Variants in VIL1 observed in about 807,000 individuals in gnomAD.
VIL1 encodes villin-1.
VIL1 carries 86 observed loss-of-function variants against 104.0 expected under a neutral mutation model. The ratio of observed to expected loss-of-function variants is 0.83; its 90% CI spans 0.69 to 0.99. VIL1 has a LOEUF of 0.99. VIL1 is among the 50% of genes least tolerant of loss of function. The pLI is 0.00. For synonymous variants in VIL1, 394 were observed against 412.6 expected (o/e 0.95, Z 0.55); for missense variants, 944 against 1,054.1 (o/e 0.90, Z 1.45).
chr2:218,427,845 C>T (rs979138307), intron 4 of VIL1, 120 bp from the exon 5 acceptor site: 1 of 864,486 alleles, frequency 1.2e-6, no homozygotes. Flanking sequence ...ACCTCATTGA[C>T]CTCGCCTACT....
Position 218,430,427 on chromosome 2 carries a change from C to A in VIL1, c.949-298C>A, listed in dbSNP as rs1208669006. 1.3e-5 allele frequency among the ~76,000 whole-genome samples: 2 copies of A among 151,962 alleles called. 1 individual carries two copies. On this transcript the variant is annotated intron_variant, in intron 9 of 19. Coordinates refer to ENST00000248444, the MANE Select transcript of VIL1 (RefSeq NM_007127.3). ...AGCATTGAGGTAGGGTCACATTAGG[C>A]GTTAGATTTGGCTTTGGGATTGGGG...
At position 218,432,832 on chromosome 2, in the gene VIL1, T is replaced by C. The variant is rs139263752; in HGVS notation, c.1381T>C (p.Tyr461His). Residue 461 changes from tyrosine to histidine, a missense_variant, in exon 13 of 20, where the codon TAT (tyrosine) becomes CAT (histidine). Physicochemically the swap from Tyr to His is moderately conservative, Grantham distance 83. Transcript: ENST00000248444. Reference sequence around the variant, plus strand: ...CCAAGATGAAATTACAGCATCAGCTTATCAAGCCGTCATCCTGGACCAGAA... The same window carrying C: ...CCAAGATGAAATTACAGCATCAGCTCATCAAGCCGTCATCCTGGACCAGAA... The part of the protein sequence containing the change: ...ASQDEITASA[Y>H]QAVILDQKYN... 1.9e-6 allele frequency: 3 copies of C among 1,614,038 alleles called. No individual in the cohort carries two copies. Among genetic ancestry groups the C allele is most frequent in the African/African-American group, 2.7e-5 (2 of 74,896 alleles).
chr2:218,423,896 G>A, intron 2 of VIL1, 43 bp downstream of exon 2: 1 of 1,608,646 alleles, frequency 6.2e-7, no homozygotes, highest in Non-Finnish European at 8.5e-7. Context: ...GGCCTGGGGT[G>A]GAGGGAGGCA....
intron 19 of VIL1, among the ~76,000 whole-genome samples, chr2:218,443,956 G>C (rs1387100953): frequency 6.6e-6 from 1 of 151,718 alleles, no homozygotes; most frequent in African/African-American, 2.4e-5. Context: ...CGCCTAGCCT[G>C]TGGCTGATTT....
chr2:218,423,918 G>T, intron 2 of VIL1, 65 bp downstream of exon 2: 1 of 1,576,212 alleles, frequency 6.3e-7, no homozygotes. Flanking sequence ...GGCCAAGGAG[G>T]GAGGCCTGGG....
chr2:218,426,589 G>A (rs768929582), intron 4 of VIL1, among the ~76,000 whole-genome samples: 88 of 150,456 alleles, frequency 5.8e-4, no homozygotes, highest in Admixed American at 1.9e-3. Context: ...CTACAGGCCC[G>A]AGCCACCATG....
In VIL1 at chr2:218,430,834, A is replaced by G. The variant is rs763416343; in HGVS notation, c.1058A>G (p.Asn353Ser). ...QQLFQKWTAS[N>S]RTSGLGKTHT... is the part of the protein sequence containing the mutation. The stretch of plus-strand genomic sequence containing the variant: ...CTCTTCCAGAAGTGGACAGCGTCCA[A>G]CCGGACCTCAGGCCTAGGCAAAACC... Residue 353 changes from asparagine (N) to serine (S), a missense_variant, in exon 10 of 20, where the codon AAC (asparagine) becomes AGC (serine). Transcript: ENST00000248444. 4 of 1,614,040 alleles carry G rather than the reference A, an allele frequency of 2.5e-6. No individual in the cohort carries two copies. Among genetic ancestry groups the G allele is most frequent in the Middle Eastern group, 1.6e-4 (1 of 6,062 alleles).
In VIL1 at chr2:218,449,574, C is replaced by T. The variant is rs1689432851; in HGVS notation, c.*238C>T. The T allele has an allele frequency of 2.4e-6, 1 of 415,534 alleles. No homozygotes were observed. Among genetic ancestry groups the T allele is most frequent in the African/African-American group, 2.0e-5 (1 of 49,470 alleles). The allele number at this position is 415,534 out of a possible 1,614,324, so 25.7% of individuals were successfully genotyped here. A position where few individuals can be genotyped will look rare whatever the true frequency, so the allele number is the denominator to read the frequency against. On this transcript the variant is annotated 3_prime_UTR_variant, in exon 20 of 20. Coordinates refer to ENST00000248444, the MANE Select transcript of VIL1 (RefSeq NM_007127.3). ...CTAAGGTCGCTAGATTGTTTCTATC[C>T]TGAGGTATTGCATCAATTTTAATAC...
Position 218,450,528 on chromosome 2 carries a change from T to C in VIL1, c.*1192T>C, listed in dbSNP as rs1689451802. ...AGTGTAGGAATCTCATTTTTGTTTTTCTCTCCTTAAGTTTAAAGAAACAAC... is the reference window on the plus strand; with the variant it reads ...AGTGTAGGAATCTCATTTTTGTTTTCCTCTCCTTAAGTTTAAAGAAACAAC... On this transcript the variant is annotated 3_prime_UTR_variant, in exon 20 of 20. Coordinates refer to ENST00000248444, the MANE Select transcript of VIL1 (RefSeq NM_007127.3). 1 of 152,642 alleles carries C rather than the reference T, an allele frequency of 6.6e-6. No individual in the cohort carries two copies. The highest frequency in any genetic ancestry group is 2.4e-5 in the African/African-American group (1 of 41,466). The allele number at this position is 152,642 out of a possible 1,614,324, so 9.5% of individuals were successfully genotyped here.
Position 218,434,557 on chromosome 2 carries a change from C to T in VIL1, c.1532C>T (p.Thr511Ile), listed in dbSNP as rs763209529. 14 of 1,613,542 alleles carry T rather than the reference C, an allele frequency of 8.7e-6. No homozygotes were observed. The highest frequency in any genetic ancestry group is 1.6e-4 in the Middle Eastern group (1 of 6,078). ...ACCTCCCGAACTAACAACTTGGAGA[C>T]CGGGCCCTCCACACGGCTGTTCCAG... The part of the protein sequence containing the change: ...GGTSRTNNLE[T>I]GPSTRLFQVQ... Residue 511 changes from threonine to isoleucine, a missense_variant, in exon 14 of 20, where the codon ACC (threonine) becomes ATC (isoleucine). Physicochemically the swap from Thr to Ile is moderately conservative, Grantham distance 89. Transcript: ENST00000248444.
rs552954563 is a variant in VIL1 at position 218,438,114 on chromosome 2, A to G, written c.2161-544A>G. Among the ~76,000 whole-genome samples, 6 of 152,322 alleles carry G rather than the reference A, an allele frequency of 3.9e-5. No homozygotes were observed. In the South Asian group the frequency reaches 1.2e-3, roughly 32 times the overall value. Reference sequence around the variant, plus strand: ...CAGGTTTTCTCAATCCACTTTAGTTATCACCTTTCCCTCACCTCAAGTGTG... The same window carrying G: ...CAGGTTTTCTCAATCCACTTTAGTTGTCACCTTTCCCTCACCTCAAGTGTG... On this transcript the variant is annotated intron_variant, in intron 17 of 19. Coordinates refer to ENST00000248444, the MANE Select transcript of VIL1 (RefSeq NM_007127.3).
intron 17 of VIL1, among the ~76,000 whole-genome samples, 181 bp from the exon 18 acceptor site, chr2:218,438,477 C>A (rs1288144734): frequency 6.6e-6 from 1 of 152,198 alleles, no homozygotes; most frequent in Admixed American, 6.5e-5. Context: ...CCTCTGGTCC[C>A]AATCTCACCA....
rs1423767834 is a variant in VIL1, at chr2:218,452,892, A to G, written c.*3556A>G. ...TCACCGCTTCACTCATTTATAAGAA[A>G]ACCAATTATTTCCAAGCAAAATCAA... On this transcript the variant is annotated 3_prime_UTR_variant, in exon 20 of 20. Transcript: ENST00000248444. The G allele has an allele frequency of 6.6e-6, 1 of 152,210 alleles. No individual in the cohort carries two copies. Among genetic ancestry groups the G allele is most frequent in the Admixed American group, 6.5e-5 (1 of 15,278 alleles). 9.4% of individuals were successfully genotyped at this position (152,210 alleles called of 1,614,324 possible). A position where few individuals can be genotyped will look rare whatever the true frequency, so the allele number is the denominator to read the frequency against.
Position 218,449,346 on chromosome 2 carries a change from C to T in VIL1, c.*10C>T. The T allele has an allele frequency of 1.3e-6, 2 of 1,598,732 alleles. No homozygotes were observed. The highest frequency in any genetic ancestry group is 1.7e-6 in the Non-Finnish European group (2 of 1,166,164). ...AAAAGGACTATTTTGAGAAGAGTAG[C>T]TGTGGTTGTAAAGCAGTACCCTACC... On this transcript the variant is annotated 3_prime_UTR_variant, in exon 20 of 20. Coordinates refer to ENST00000248444, the MANE Select transcript of VIL1 (RefSeq NM_007127.3).
rs1298019973 is a variant in VIL1, at chr2:218,452,253, T to C, written c.*2917T>C. ...TTCAATAGGAAGGTTAATTAGGTAT[T>C]GTGCAAACTGCCTGCAACGGAAGCA... On this transcript the variant is annotated 3_prime_UTR_variant, in exon 20 of 20. Transcript: ENST00000248444. 1.3e-5 allele frequency: 2 copies of C among 152,314 alleles called. No homozygotes were observed. The highest frequency in any genetic ancestry group is 3.9e-4 in the East Asian group (2 of 5,188). 9.4% of individuals were successfully genotyped at this position (152,314 alleles called of 1,614,324 possible). A position where few individuals can be genotyped will look rare whatever the true frequency, so the allele number is the denominator to read the frequency against.
chr2:218,432,260 C>T (rs1689113506), intron 12 of VIL1, 77 bp downstream of exon 12: 2 of 1,556,198 alleles, frequency 1.3e-6, no homozygotes, highest in African/African-American at 2.7e-5. Context: ...AAGTGGCCAT[C>T]ACCCTTGGGT....
chr2:218,436,106 T>C (rs537137752), intron 15 of VIL1, among the ~76,000 whole-genome samples: 8 of 152,256 alleles, frequency 5.3e-5, no homozygotes, highest in African/African-American at 1.9e-4. Context: ...CCCAAAATGC[T>C]AGGATTACAG....
In VIL1 at chr2:218,438,167, CTCAT is replaced by C. The variant is rs138206017; in HGVS notation, c.2161-471_2161-468del. Among the ~76,000 whole-genome samples the C allele has an allele frequency of 4.0e-5, 6 of 151,344 alleles. No homozygotes were observed. In the South Asian group the frequency reaches 6.2e-4, roughly 16 times the overall value. On this transcript the variant is annotated intron_variant, in intron 17 of 19. Transcript: ENST00000248444. ...CTGGCTTCTCTCTCAGCCTCATTCA[CTCAT>C]TCATTCATTCATTCATTCAGCATAA...
chr2:218,429,682 G>C lies in VIL1; in HGVS notation c.849+7G>C. The C allele has an allele frequency of 6.2e-7, 1 of 1,614,052 alleles. No individual in the cohort carries two copies. The highest frequency in any genetic ancestry group is 8.5e-7 in the Non-Finnish European group (1 of 1,180,010). On this transcript the variant is annotated splice_region_variant and intron_variant, in intron 8 of 19. Coordinates refer to ENST00000248444, the MANE Select transcript of VIL1 (RefSeq NM_007127.3). ...GGACCTGCTCAGTCACGAGGTAAGA[G>C]GGTCTGGAGACCCCTCAGCCTACTG...
Sources: gnomAD v4.1 joint callset for allele counts (sites outside exome capture counted in the v4.1 genomes callset) on GRCh38, gnomAD v4.1.1 for gene constraint, MANE v1.5 for transcripts, NCBI Gene and HGNC (gene_info 2026-07-23, HGNC 2026-07-21) for gene names.